RARB: variants seen among roughly 807,000 people sequenced by gnomAD.
RARB encodes HBV-activated protein.
A neutral mutation model predicts 51.9 loss-of-function variants in RARB; 17 were observed. The observed-to-expected ratio is 0.33, with a 90% confidence interval of 0.22 to 0.49. RARB has a LOEUF of 0.49. Ranked by LOEUF, RARB falls within the 20% of genes least tolerant of loss-of-function variation. RARB has a pLI of 0.99. For synonymous variants in RARB, 215 were observed against 195.4 expected (o/e 1.10, Z -0.84); for missense variants, 369 against 550.8 (o/e 0.67, Z 3.30).
At chr3:25,220,507 G>A (rs534748147) in intron 5 of RARB, among the ~76,000 whole-genome samples, 2 of 152,224 alleles carry the variant, frequency 1.3e-5, no homozygotes, top group South Asian at 2.1e-4. Context: ...TAATTCCCAC[G>A]TATCAAGGGA....
chr3:25,166,615 T>G (rs183913005), intron 4 of RARB, among the ~76,000 whole-genome samples: 1 of 152,324 alleles, frequency 6.6e-6, no homozygotes, highest in Non-Finnish European at 1.5e-5. Flanking sequence ...TATTTCTGTT[T>G]TTTATGTTAG....
At chr3:25,365,172 T>TACC (rs1179668520) in intron 5 of RARB, among the ~76,000 whole-genome samples, 3 of 150,644 alleles carry the variant, frequency 2.0e-5, no homozygotes, top group African/African-American at 7.3e-5. Flanking sequence ...GCAAAAGGTA[T>TACC]ATAAGCCAAC....
At chr3:25,183,626 C>A (rs1700912414) in intron 5 of RARB, among the ~76,000 whole-genome samples, 1 of 152,150 alleles carries the variant, frequency 6.6e-6, no homozygotes, top group African/African-American at 2.4e-5. Flanking sequence ...TTATAATTAT[C>A]AGTTCTGTAT....
chr3:25,481,305 C>T (rs1696212093), intron 2 of RARB, among the ~76,000 whole-genome samples: 1 of 152,174 alleles, frequency 6.6e-6, no homozygotes, highest in South Asian at 2.1e-4. Context: ...ATAAACATGT[C>T]TGTTAGCTCA....
At chr3:24,841,221 C>T (rs1377840843) in intron 1 of RARB, among the ~76,000 whole-genome samples, 1 of 152,166 alleles carries the variant, frequency 6.6e-6, no homozygotes, top group African/African-American at 2.4e-5. Context: ...TTTTTCCCAC[C>T]TAAGGTGTTA....
chr3:25,375,882 C>G (rs959355221), intron 5 of RARB, among the ~76,000 whole-genome samples: 3 of 152,162 alleles, frequency 2.0e-5, no homozygotes, highest in Admixed American at 6.6e-5. Context: ...TTCCAGGATT[C>G]AAGTTTCCAC....
In RARB at chr3:25,597,034, A is replaced by T. The variant is rs549884153; in HGVS notation, c.*418A>T. 9.5e-5 allele frequency: 15 copies of T among 158,258 alleles called. No homozygotes were observed. The highest frequency in any genetic ancestry group is 2.0e-4 in the Non-Finnish European group (14 of 71,288). The allele number at this position is 158,258 out of a possible 1,614,324, so 9.8% of individuals were successfully genotyped here. ...GCATACTCAAAATAACCATGACACC[A>T]AGGTTATGAAATAGACTACTGTACA... On this transcript the variant is annotated 3_prime_UTR_variant, in exon 8 of 8. Coordinates refer to ENST00000330688, the MANE Select transcript of RARB (RefSeq NM_000965.5).
intron 3 of RARB, among the ~76,000 whole-genome samples, chr3:25,092,073 G>A (rs1699208872): frequency 6.6e-6 from 1 of 152,150 alleles, no homozygotes; most frequent in African/African-American, 2.4e-5. Context: ...AGCTTAAGAG[G>A]CATCTTTCCT....
chr3:25,086,664 C>T (rs751653601), intron 3 of RARB, among the ~76,000 whole-genome samples: 84 of 151,788 alleles, frequency 5.5e-4, no homozygotes, highest in Non-Finnish European at 9.0e-4. Context: ...TACATTGGTT[C>T]GGTCTGAAAA....
intron 4 of RARB, 101 bp downstream of exon 4, chr3:25,570,019 C>CTT: frequency 2.6e-6 from 3 of 1,148,588 alleles, no homozygotes; most frequent in Non-Finnish European, 3.6e-6. Context: ...CACACACACA[C>CTT]ACTTTGCACT....
At chr3:25,330,309 G>A (rs146987303) in intron 5 of RARB, among the ~76,000 whole-genome samples, 2,961 of 152,230 alleles carry the variant, frequency 0.019, 58 homozygotes, top group African/African-American at 0.052. Flanking sequence ...GACTAACAGC[G>A]GATCTCTCGG....
intron 5 of RARB, among the ~76,000 whole-genome samples, chr3:25,241,708 T>C (rs567960019): frequency 2.4e-4 from 37 of 152,366 alleles, no homozygotes; most frequent in African/African-American, 8.4e-4. Context: ...CTTTATCCAG[T>C]CTAACATTGA....
In RARB at chr3:25,411,457, G is replaced by T. The variant is rs114162994; in HGVS notation, c.179-49736G>T. ...TAAAACCATACAAAAAATAGTATGT[G>T]GGGGTATGTAAGAAGAAATTAGGCT... On this transcript the variant is annotated intron_variant, in intron 5 of 11. Transcript: ENST00000383772. 5.3e-3 allele frequency among the ~76,000 whole-genome samples: 800 copies of T among 152,334 alleles called. 12 individuals are homozygous for T. Among genetic ancestry groups the T allele is most frequent in the African/African-American group, 0.018 (768 of 41,580 alleles).
At chr3:25,264,064 T>A (rs1212115232) in intron 5 of RARB, among the ~76,000 whole-genome samples, 1 of 151,892 alleles carries the variant, frequency 6.6e-6, no homozygotes, top group African/African-American at 2.4e-5. Flanking sequence ...GTTCAATTAG[T>A]GGCAGGGTAA....
intron 2 of RARB, among the ~76,000 whole-genome samples, chr3:24,936,131 A>G (rs1235497847): frequency 2.6e-5 from 4 of 152,128 alleles, no homozygotes; most frequent in Middle Eastern, 3.2e-3. Flanking sequence ...GTGTTTTGTG[A>G]TTAGAAATTG....
At chr3:24,880,955 G>T (rs147756585) in intron 2 of RARB, among the ~76,000 whole-genome samples, 137 of 152,186 alleles carry the variant, frequency 9.0e-4, no homozygotes, top group African/African-American at 2.7e-3. Flanking sequence ...ATATGGTTTG[G>T]CTCTGTGTCC....
intron 5 of RARB, among the ~76,000 whole-genome samples, chr3:25,376,434 C>T (rs1266376164): frequency 6.6e-6 from 1 of 152,224 alleles, no homozygotes; most frequent in Non-Finnish European, 1.5e-5. Context: ...AATTACCAGT[C>T]TTTATGGCCC....
intron 2 of RARB, among the ~76,000 whole-genome samples, chr3:24,938,535 C>A (rs886718503): frequency 6.6e-6 from 1 of 151,970 alleles, no homozygotes; most frequent in East Asian, 1.9e-4. Context: ...AACTCCAAAC[C>A]CAGAGAGACT....
At chr3:24,858,543 A>C (rs1238812247) in intron 1 of RARB, 1 of 152,216 alleles carries the variant, frequency 6.6e-6, no homozygotes, top group East Asian at 1.9e-4. Context: ...TCCTCATTTC[A>C]AGACGGTTAA....
Sources: allele counts gnomAD v4.1 joint callset (sites outside exome capture counted in the v4.1 genomes callset), GRCh38; gene constraint gnomAD v4.1.1; transcripts MANE v1.5; gene names NCBI Gene and HGNC (gene_info 2026-07-23, HGNC 2026-07-21).